The following ATE1 variants were observed in gnomAD, a reference collection of about 807,000 sequenced individuals.
ATE1 encodes arginyl-tRNA--protein transferase 1.
Under a neutral mutation model 70.5 loss-of-function variants are expected in ATE1, and 36 were observed. The ratio of observed to expected loss-of-function variants is 0.51; its 90% CI spans 0.39 to 0.67. The LOEUF is 0.67. Ranked by LOEUF, ATE1 falls within the 30% of genes least tolerant of loss-of-function variation. The pLI is 0.00. For missense variants in ATE1, 593 were observed against 629.5 expected (o/e 0.94, Z 0.62); for synonymous variants, 232 against 219.3 (o/e 1.06, Z -0.51).
In ATE1 at chr10:121,766,465, C is replaced by T. The variant is rs77516214; in HGVS notation, c.1379-22607G>A. Among the ~76,000 whole-genome samples, 3,200 of 152,150 alleles carry T rather than the reference C, an allele frequency of 0.021. 162 individuals carry two copies. The East Asian group carries it at 0.23, about 11-fold the overall frequency. On this transcript the variant is annotated intron_variant, in intron 11 of 11. Coordinates refer to ENST00000224652, the MANE Select transcript of ATE1 (RefSeq NM_001001976.3). ...AAAGACTCTGAAAAGTGAGAGAAGA[C>T]GGTAATCCAACTGAGGATTCTGAGA...
chr10:121,919,904 G>A (rs1053051436), intron 3 of ATE1, among the ~76,000 whole-genome samples: 8 of 151,392 alleles, frequency 5.3e-5, no homozygotes, highest in African/African-American at 1.9e-4. Flanking sequence ...TCTCGGTGGG[G>A]AGGATATGCA....
At chr10:121,927,285 G>A in intron 1 of ATE1, 1 of 984,216 alleles carries the variant, frequency 1.0e-6, no homozygotes, top group Non-Finnish European at 1.2e-6. Flanking sequence ...AGGACAAACA[G>A]AATCCCTCGC....
intron 8 of ATE1, among the ~76,000 whole-genome samples, chr10:121,854,216 T>C (rs572297034): frequency 6.6e-6 from 1 of 152,348 alleles, no homozygotes; most frequent in East Asian, 1.9e-4. Context: ...TTTACCACCA[T>C]ATAAGACAAT....
At chr10:121,893,287 A>C (rs1002737112) in intron 7 of ATE1, among the ~76,000 whole-genome samples, 10 of 150,724 alleles carry the variant, frequency 6.6e-5, no homozygotes, top group East Asian at 2.0e-4. Context: ...AAAAAAAAAA[A>C]AAAAAACAAA....
intron 7 of ATE1, among the ~76,000 whole-genome samples, chr10:121,881,669 T>TA (rs11309013): frequency 0.31 from 38,882 of 125,364 alleles, 6,643 homozygotes; most frequent in East Asian, 0.42. Context: ...TCCTGTCTCT[T>TA]AAAAAAAAAA....
At chr10:121,926,639 A>T in intron 1 of ATE1, 1 of 796,060 alleles carries the variant, frequency 1.3e-6, no homozygotes, top group Non-Finnish European at 1.5e-6. Context: ...AGGCACGTTT[A>T]ATGTAACTTA....
chr10:121,893,737 T>G (rs1210035586), intron 7 of ATE1, among the ~76,000 whole-genome samples: 1 of 152,126 alleles, frequency 6.6e-6, no homozygotes, highest in Non-Finnish European at 1.5e-5. Context: ...ACTGATATCT[T>G]AAAAATATAT....
chr10:121,778,339 T>C (rs973873685), intron 11 of ATE1, among the ~76,000 whole-genome samples: 9 of 152,200 alleles, frequency 5.9e-5, no homozygotes, highest in African/African-American at 2.2e-4. Flanking sequence ...TCGTATTTAA[T>C]GCCCTAAGGA....
At chr10:121,887,056 A>G (rs1950423301) in intron 7 of ATE1, among the ~76,000 whole-genome samples, 1 of 152,226 alleles carries the variant, frequency 6.6e-6, no homozygotes, top group Non-Finnish European at 1.5e-5. Flanking sequence ...TATCCTTTTA[A>G]TGCCTCAATG....
chr10:121,896,266 G>A (rs188965882), intron 7 of ATE1, among the ~76,000 whole-genome samples: 18 of 152,196 alleles, frequency 1.2e-4, no homozygotes, highest in Admixed American at 8.5e-4. Context: ...TAGGAGGCAC[G>A]TATCTGATCA....
At chr10:121,850,298 A>AACTCTCTATACTCTCCT (rs1292223943) in intron 8 of ATE1, among the ~76,000 whole-genome samples, 2 of 152,046 alleles carry the variant, frequency 1.3e-5, no homozygotes, top group South Asian at 2.1e-4. Flanking sequence ...TATTTAGCCC[A>AACTCTCTATACTCTCCT]CTGGAGGGGT....
chr10:121,744,243 T>C (rs903607826), intron 11 of ATE1, among the ~76,000 whole-genome samples: 10 of 152,062 alleles, frequency 6.6e-5, no homozygotes, highest in Non-Finnish European at 1.2e-4. Context: ...ATTTAAAAAA[T>C]TTTTAACTTA....
At position 121,771,467 on chromosome 10, in the gene ATE1, T is replaced by C. The variant is rs1259673683; in HGVS notation, c.1378+18702A>G. Among the ~76,000 whole-genome samples the C allele has an allele frequency of 2.0e-5, 3 of 152,326 alleles. No homozygotes were observed. The South Asian group carries it at 6.2e-4, about 32-fold the overall frequency. ...TCCTAATATGAACATAGGGAGTACT[T>C]ATCTAGGAAGAAAGGCTACAAGGAA... On this transcript the variant is annotated intron_variant, in intron 11 of 11. Coordinates refer to ENST00000224652, the MANE Select transcript of ATE1 (RefSeq NM_001001976.3).
intron 7 of ATE1, among the ~76,000 whole-genome samples, chr10:121,875,373 C>T (rs1590595697): frequency 7.0e-6 from 1 of 143,764 alleles, no homozygotes; most frequent in Admixed American, 7.2e-5. Context: ...GGCACAACCT[C>T]GGCTCACTGC....
In ATE1 at chr10:121,927,951, G is replaced by A. The variant is rs1329077372; in HGVS notation, c.-2C>T. 5 of 1,541,328 alleles carry A rather than the reference G, an allele frequency of 3.2e-6. No individual in the cohort carries two copies. The highest frequency in any genetic ancestry group is 4.4e-6 in the Non-Finnish European group (5 of 1,145,912). ...CGAACCCCCCGCCCAGAAAGCCATGGCCTCGGCCCCGCGAACGCTCAGCCG... is the reference window on the plus strand; with the variant it reads ...CGAACCCCCCGCCCAGAAAGCCATGACCTCGGCCCCGCGAACGCTCAGCCG... On this transcript the variant is annotated 5_prime_UTR_variant, in exon 1 of 12. Transcript: ENST00000224652.
chr10:121,825,321 CACAG>C (rs1310838652), intron 10 of ATE1, among the ~76,000 whole-genome samples: 4 of 152,142 alleles, frequency 2.6e-5, no homozygotes, highest in African/African-American at 4.8e-5. Context: ...AAATATGACA[CACAG>C]ACAGAAATGT....
intron 10 of ATE1, among the ~76,000 whole-genome samples, chr10:121,806,684 G>A (rs1406047343): frequency 6.6e-6 from 1 of 152,140 alleles, no homozygotes; most frequent in Non-Finnish European, 1.5e-5. Context: ...GTACTTGGGG[G>A]TGAAATGTCT....
chr10:121,786,009 A>ATTG (rs1946190577), intron 11 of ATE1, among the ~76,000 whole-genome samples: 1 of 152,142 alleles, frequency 6.6e-6, no homozygotes, highest in Non-Finnish European at 1.5e-5. Flanking sequence ...AAAAATAAGT[A>ATTG]TTATAACAAG....
chr10:121,887,606 TGAG>T (rs1373423926), intron 7 of ATE1, among the ~76,000 whole-genome samples: 2 of 152,124 alleles, frequency 1.3e-5, no homozygotes, highest in Non-Finnish European at 2.9e-5. Flanking sequence ...CTTAGGAGGC[TGAG>T]GTGGGAAGAC....
Sources: allele counts gnomAD v4.1 joint callset (sites outside exome capture counted in the v4.1 genomes callset), GRCh38; gene constraint gnomAD v4.1.1; transcripts MANE v1.5; gene names NCBI Gene and HGNC (gene_info 2026-07-23, HGNC 2026-07-21).